The following SIRT1 variants were observed in gnomAD, a reference collection of about 807,000 sequenced individuals.
SIRT1 encodes NAD-dependent protein deacetylase sirtuin-1.
A neutral mutation model predicts 67.9 loss-of-function variants in SIRT1; 24 were observed. That is an observed-to-expected ratio of 0.35 (90% CI 0.26 to 0.50). The LOEUF is 0.50. Ranked by LOEUF, SIRT1 falls within the 20% of genes least tolerant of loss-of-function variation. SIRT1 has a pLI of 0.98. For synonymous variants in SIRT1, 378 were observed against 350.7 expected, an observed-to-expected ratio of 1.08 and a Z score of -0.87; for missense variants, 873 against 937.2, an observed-to-expected ratio of 0.93 and a Z score of 0.89.
intron 8 of SIRT1, 39 bp downstream of exon 8, chr10:67,913,070 T>G: frequency 1.3e-6 from 2 of 1,545,682 alleles, no homozygotes; most frequent in Non-Finnish European, 8.7e-7. Context: ...AGTATAAATG[T>G]CATAACAGTA....
chr10:67,894,663 G>A (rs192028140), intron 4 of SIRT1, among the ~76,000 whole-genome samples: 2 of 152,194 alleles, frequency 1.3e-5, no homozygotes, highest in Admixed American at 1.3e-4. Context: ...AAAAAATTCA[G>A]TCACTTATAA....
intron 3 of SIRT1, 97 bp downstream of exon 3, chr10:67,889,220 C>T: frequency 1.5e-6 from 2 of 1,325,336 alleles, no homozygotes; most frequent in Non-Finnish European, 2.0e-6. Flanking sequence ...TTTATCCTTA[C>T]ATGATAATGG....
At position 67,906,782 on chromosome 10, in the gene SIRT1, T is replaced by C. The variant is rs1223492874; in HGVS notation, c.943-8T>C. On this transcript the variant is annotated splice_polypyrimidine_tract_variant and splice_region_variant and intron_variant, in intron 4 of 8. Coordinates refer to ENST00000212015, the MANE Select transcript of SIRT1 (RefSeq NM_012238.5). ...ATGTAAATTTTTTCTACCATTTGCT[T>C]GATACAGGAAATATATCCTGGACAA... 3.7e-6 allele frequency: 6 copies of C among 1,606,358 alleles called. No individual in the cohort carries two copies. The highest frequency in any genetic ancestry group is 5.1e-6 in the Non-Finnish European group (6 of 1,178,052).
In SIRT1 at chr10:67,912,435, C is replaced by T. The variant is rs747807753; in HGVS notation, c.1358-39C>T. On this transcript the variant is annotated intron_variant, in intron 7 of 8. Transcript: ENST00000212015. ...TTGTGGTTTTATTAGCTTACTTCCT[C>T]CTCCCTTTTTCTAACTCTTATTTTT... 5.3e-6 allele frequency: 8 copies of T among 1,523,140 alleles called. No individual in the cohort carries two copies. The South Asian group carries it at 1.0e-4, about 20-fold the overall frequency. The allele number at this position is 1,523,140 out of a possible 1,614,324, so 94.4% of individuals were successfully genotyped here. A position where few individuals can be genotyped will look rare whatever the true frequency, so the allele number is the denominator to read the frequency against.
At position 67,885,122 on chromosome 10, in the gene SIRT1, A is replaced by G; in HGVS notation, c.401A>G (p.Glu134Gly). Residue 134 changes from glutamate (E) to glycine (G), a missense_variant, in exon 1 of 9, where the codon GAG becomes GGG. Physicochemically the swap from Glu to Gly is moderately conservative, Grantham distance 98. This residue lies in a region of SIRT1 where 327 missense variants were observed against 283.9 expected (regional missense o/e 1.15). Transcript: ENST00000212015. ...DDDDEGEEEE[E>G]AAAAAIGYRD... is the part of the protein sequence containing the mutation. ...GACGACGAGGGCGAGGAGGAGGAAGAGGCGGCGGCGGCGGCGATTGGGTAC... is the reference window on the plus strand; with the variant it reads ...GACGACGAGGGCGAGGAGGAGGAAGGGGCGGCGGCGGCGGCGATTGGGTAC... The G allele has an allele frequency of 7.0e-7, 1 of 1,437,014 alleles. No individual in the cohort carries two copies. The highest frequency in any genetic ancestry group is 1.4e-5 in the South Asian group (1 of 71,568). 89.0% of individuals were successfully genotyped at this position (1,437,014 alleles called of 1,614,324 possible).
rs1842452945 is a variant in SIRT1 at position 67,885,063 on chromosome 10, A to G, written c.342A>G (p.Pro114=). Residue 114 remains proline (P), a synonymous_variant, in exon 1 of 9, where the codon CCA becomes CCG. Coordinates refer to ENST00000212015, the MANE Select transcript of SIRT1 (RefSeq NM_012238.5). ...GCCTGCAGGGCCCATCTCGGGAGCC[A>G]CCGCTGGCCGACAACTTGTACGACG... is the stretch of plus-strand genomic sequence containing the variant. ...GPGLQGPSRE[P]PLADNLYDED... 48 of 1,433,014 alleles carry G rather than the reference A, an allele frequency of 3.3e-5. No homozygotes were observed. In the East Asian group the frequency reaches 1.4e-3, roughly 41 times the overall value. The allele number at this position is 1,433,014 out of a possible 1,614,324, so 88.8% of individuals were successfully genotyped here. A position where few individuals can be genotyped will look rare whatever the true frequency, so the allele number is the denominator to read the frequency against.
intron 1 of SIRT1, chr10:67,885,492 T>G: frequency 1.1e-6 from 1 of 924,936 alleles, no homozygotes; most frequent in Non-Finnish European, 1.4e-6. Context: ...TTTTTTCTTT[T>G]TCTTTATTTT....
chr10:67,907,005 C>T (rs1244525304), intron 5 of SIRT1, 68 bp downstream of exon 5: 4 of 1,337,264 alleles, frequency 3.0e-6, no homozygotes, highest in Non-Finnish European at 4.0e-6. Context: ...TCCTATAAAG[C>T]TGACTGCCAT....
chr10:67,904,010 G>C (rs74521200), intron 4 of SIRT1, among the ~76,000 whole-genome samples: 4,607 of 151,994 alleles, frequency 0.03, 238 homozygotes, highest in African/African-American at 0.1. Context: ...TCTGTAAGTT[G>C]TATCTCCAGT....
chr10:67,888,829 A>C (rs939996817), intron 2 of SIRT1, 53 bp from the exon 3 acceptor site: 1 of 1,537,200 alleles, frequency 6.5e-7, no homozygotes, highest in Non-Finnish European at 8.8e-7. Context: ...AAAATAAATG[A>C]GATTTTGAAT....
chr10:67,887,598 C>G, intron 2 of SIRT1, 65 bp downstream of exon 2: 1 of 1,092,666 alleles, frequency 9.2e-7, no homozygotes, highest in East Asian at 2.5e-5. Flanking sequence ...TGTTTTGAGA[C>G]AGAGTTTCGC....
At chr10:67,885,941 C>CTT (rs766544980) in intron 1 of SIRT1, among the ~76,000 whole-genome samples, 9,477 of 95,388 alleles carry the variant, frequency 0.099, 755 homozygotes, top group East Asian at 0.2. Flanking sequence ...TTGAAGGTTT[C>CTT]TTTTTTTTTT....
intron 6 of SIRT1, 104 bp downstream of exon 6, chr10:67,908,229 A>G (rs1842849751): frequency 2.3e-6 from 2 of 860,342 alleles, no homozygotes; most frequent in Non-Finnish European, 3.5e-6. Context: ...TGGTACAGAA[A>G]GATTCAGGAA....
chr10:67,901,023 C>T (rs997330031), intron 4 of SIRT1, among the ~76,000 whole-genome samples: 6 of 152,126 alleles, frequency 3.9e-5, no homozygotes, highest in Admixed American at 6.5e-5. Context: ...AATGTACTTA[C>T]TAGTCTTAGT....
chr10:67,885,087 CGAA>C lies in SIRT1; in HGVS notation c.369_371del (p.Glu123del). 1 of 1,446,876 alleles carries C rather than the reference CGAA, an allele frequency of 6.9e-7. No individual in the cohort carries two copies. 89.6% of individuals were successfully genotyped at this position (1,446,876 alleles called of 1,614,324 possible). Reference sequence around the variant, plus strand: ...CACCGCTGGCCGACAACTTGTACGACGAAGACGACGACGACGAGGGCGAGGAGG... The same window carrying C: ...CACCGCTGGCCGACAACTTGTACGACGACGACGACGACGAGGGCGAGGAGG... On this transcript the variant is annotated inframe_deletion, in exon 1 of 9. Coordinates refer to ENST00000212015, the MANE Select transcript of SIRT1 (RefSeq NM_012238.5).
At position 67,888,330 on chromosome 10, in the gene SIRT1, C is replaced by A. The variant is rs548126238; in HGVS notation, c.548-552C>A. On this transcript the variant is annotated intron_variant, in intron 2 of 8. Transcript: ENST00000212015. Reference sequence around the variant, plus strand: ...ATTTATTTATTTATTTTTGTTTTCTCAAGCCTAGGGAGCTGGTTTGAGCAA... The same window carrying A: ...ATTTATTTATTTATTTTTGTTTTCTAAAGCCTAGGGAGCTGGTTTGAGCAA... Among the ~76,000 whole-genome samples the A allele has an allele frequency of 2.6e-5, 4 of 152,114 alleles. No homozygotes were observed. In the South Asian group the frequency reaches 8.3e-4, roughly 32 times the overall value.
intron 4 of SIRT1, among the ~76,000 whole-genome samples, chr10:67,904,128 T>TG (rs1554890913): frequency 2.3e-5 from 2 of 86,706 alleles, no homozygotes; most frequent in African/African-American, 1.5e-4. Flanking sequence ...TTTTTGTTTG[T>TG]TTTTTTTTTT....
intron 1 of SIRT1, among the ~76,000 whole-genome samples, chr10:67,886,475 A>G (rs1842482542): frequency 6.6e-6 from 1 of 150,600 alleles, no homozygotes; most frequent in Non-Finnish European, 1.5e-5. Flanking sequence ...CTTTAGTCCC[A>G]GGTACTAGAG....
rs2029912856 is a variant in SIRT1, at chr10:67,916,383, G to C, written c.2034G>C (p.Gly678=). 8 of 1,614,170 alleles carry C rather than the reference G, an allele frequency of 5.0e-6. No individual in the cohort carries two copies. The highest frequency in any genetic ancestry group is 6.8e-6 in the Non-Finnish European group (8 of 1,180,022). Residue 678 remains glycine (G), a synonymous_variant, in exon 9 of 9, where the codon GGG becomes GGC. Transcript: ENST00000212015. ...SSSCGSNSDS[G]TCQSPSLEEP... The stretch of plus-strand genomic sequence containing the variant: ...CTTGTGGCAGTAACAGTGATAGTGG[G>C]ACATGCCAGAGTCCAAGTTTAGAAG...
Sources: allele counts gnomAD v4.1 joint callset (sites outside exome capture counted in the v4.1 genomes callset), GRCh38; gene constraint gnomAD v4.1.1; regional missense constraint gnomAD v4.1.1; transcripts MANE v1.5; gene names NCBI Gene and HGNC (gene_info 2026-07-23, HGNC 2026-07-21).